DTNA: variants seen among roughly 807,000 people sequenced by gnomAD.
DTNA encodes dystrophin-related protein 3.
A neutral mutation model predicts 100.7 loss-of-function variants in DTNA; 43 were observed. The observed-to-expected ratio is 0.43, with a 90% CI of 0.33 to 0.55. The LOEUF (loss-of-function observed/expected upper bound fraction) is 0.55. Among genes scored for constraint, DTNA ranks in the 20% least tolerant of loss-of-function variants. The pLI is 0.04. For missense variants in DTNA, 798 were observed against 953.9 expected, an observed-to-expected ratio of 0.84 and a Z score of 2.15; for synonymous variants, 349 against 347.9, an observed-to-expected ratio of 1.00 and a Z score of -0.04.
At chr18:34,544,838 G>A (rs1290256227) in intron 1 of DTNA, among the ~76,000 whole-genome samples, 2 of 151,764 alleles carry the variant, frequency 1.3e-5, no homozygotes, top group Non-Finnish European at 2.9e-5. Context: ...GACTTGCAAT[G>A]GGTAAAACTG....
chr18:34,591,153 A>G (rs2049679705), intron 1 of DTNA, among the ~76,000 whole-genome samples: 3 of 152,134 alleles, frequency 2.0e-5, no homozygotes, highest in Admixed American at 2.0e-4. Flanking sequence ...CAAGATTGGT[A>G]GAAGTGCTCT....
intron 1 of DTNA, among the ~76,000 whole-genome samples, chr18:34,751,327 T>C (rs975208505): frequency 2.6e-5 from 4 of 152,236 alleles, no homozygotes; most frequent in Non-Finnish European, 5.9e-5. Context: ...CTTCCGTTAG[T>C]CGTGTGTTCC....
chr18:34,750,337 G>A (rs1568403454), intron 1 of DTNA, among the ~76,000 whole-genome samples: 1 of 152,164 alleles, frequency 6.6e-6, no homozygotes, highest in Non-Finnish European at 1.5e-5. Flanking sequence ...GTGTAACAAT[G>A]TCCTAAAATA....
chr18:34,727,422 TATA>T (rs1376228986), intron 1 of DTNA, among the ~76,000 whole-genome samples: 1 of 152,220 alleles, frequency 6.6e-6, no homozygotes. Flanking sequence ...ATCCCAGTAT[TATA>T]ATATCCTTGT....
intron 1 of DTNA, among the ~76,000 whole-genome samples, chr18:34,653,979 G>T (rs2073989060): frequency 6.6e-6 from 1 of 152,166 alleles, no homozygotes; most frequent in African/African-American, 2.4e-5. Flanking sequence ...GGGTTTTGAT[G>T]AGTTTTTCTT....
At chr18:34,692,078 G>T (rs747332014) in intron 1 of DTNA, among the ~76,000 whole-genome samples, 2 of 152,152 alleles carry the variant, frequency 1.3e-5, no homozygotes, top group African/African-American at 4.8e-5. Context: ...TTTTTCATCA[G>T]AGACAAATGC....
intron 4 of DTNA, among the ~76,000 whole-genome samples, chr18:34,800,049 A>T (rs1408632157): frequency 6.6e-6 from 1 of 152,328 alleles, no homozygotes; most frequent in Non-Finnish European, 1.5e-5. Context: ...TATGCCTGTG[A>T]ACACTTCTAA....
chr18:34,544,741 G>A (rs949046606), intron 1 of DTNA, among the ~76,000 whole-genome samples: 1 of 151,652 alleles, frequency 6.6e-6, no homozygotes, highest in Non-Finnish European at 1.5e-5. Context: ...CTCGCAGTGT[G>A]TGTTTGGCTA....
intron 1 of DTNA, among the ~76,000 whole-genome samples, chr18:34,641,079 A>C (rs1568096473): frequency 1.3e-5 from 2 of 152,140 alleles, no homozygotes; most frequent in South Asian, 4.1e-4. Context: ...ACTAGTAAAA[A>C]TAAATATTAA....
intron 1 of DTNA, among the ~76,000 whole-genome samples, chr18:34,570,090 C>T (rs1197613414): frequency 2.6e-5 from 4 of 152,116 alleles, no homozygotes; most frequent in Admixed American, 6.6e-5. Context: ...TAAACCTTTC[C>T]CTAGGTGGGA....
intron 1 of DTNA, among the ~76,000 whole-genome samples, chr18:34,666,679 A>T (rs550806450): frequency 2.0e-5 from 3 of 152,308 alleles, no homozygotes; most frequent in South Asian, 4.1e-4. Context: ...TAAATAGGGA[A>T]TCCTTTCCCC....
intron 1 of DTNA, among the ~76,000 whole-genome samples, chr18:34,563,980 T>C (rs963031131): frequency 2.6e-5 from 4 of 152,144 alleles, no homozygotes; most frequent in African/African-American, 9.7e-5. Flanking sequence ...TGTGTGTGTG[T>C]GTAGTGAGGA....
chr18:34,630,049 G>C (rs1309943005), intron 1 of DTNA, among the ~76,000 whole-genome samples: 1 of 152,138 alleles, frequency 6.6e-6, no homozygotes, highest in Non-Finnish European at 1.5e-5. Flanking sequence ...ATCACTTGAT[G>C]AATATCTCTT....
chr18:34,861,511 A>G (rs939250666), intron 16 of DTNA, among the ~76,000 whole-genome samples: 5 of 145,736 alleles, frequency 3.4e-5, no homozygotes, highest in East Asian at 2.0e-4. Flanking sequence ...AAAAAAAAAA[A>G]AAAGAAAGTA....
chr18:34,842,413 G>A (rs761823336), intron 13 of DTNA, among the ~76,000 whole-genome samples: 1 of 152,102 alleles, frequency 6.6e-6, no homozygotes, highest in Non-Finnish European at 1.5e-5. Context: ...CATTTATGAG[G>A]TCTAAATTTT....
At chr18:34,821,368 C>G (rs2095712589) in intron 9 of DTNA, 3 of 440,680 alleles carry the variant, frequency 6.8e-6, no homozygotes, top group South Asian at 4.9e-5. Flanking sequence ...TTTTTCATCC[C>G]AAGCTGTATA....
At chr18:34,523,724 T>G (rs960542765) in intron 1 of DTNA, among the ~76,000 whole-genome samples, 2 of 152,186 alleles carry the variant, frequency 1.3e-5, no homozygotes, top group Non-Finnish European at 2.9e-5. Flanking sequence ...GTAAAGTGAC[T>G]AGAGCTCAAA....
intron 16 of DTNA, among the ~76,000 whole-genome samples, chr18:34,860,077 C>T (rs773562724): frequency 1.3e-5 from 2 of 152,078 alleles, no homozygotes; most frequent in Admixed American, 1.3e-4. Context: ...GATGGAGTCT[C>T]ACTCTGTCAC....
chr18:34,866,674 A>G, intron 17 of DTNA: 4 of 999,270 alleles, frequency 4.0e-6, no homozygotes, highest in South Asian at 4.4e-5. Context: ...CTTGTTCCCC[A>G]TGGCTCACCA....
Sources: gnomAD v4.1 joint callset for allele counts (sites outside exome capture counted in the v4.1 genomes callset) on GRCh38, gnomAD v4.1.1 for gene constraint, MANE v1.5 for transcripts, NCBI Gene and HGNC (gene_info 2026-07-23, HGNC 2026-07-21) for gene names.